Variants in KLHL42 observed in about 807,000 individuals in gnomAD.
The protein encoded by KLHL42 is kelch like family member 42.
A neutral mutation model predicts 32.7 loss-of-function variants in KLHL42; 27 were observed. The ratio of observed to expected loss-of-function variants is 0.83; its 90% CI spans 0.61 to 1.14. The LOEUF is 1.14. Ranked by LOEUF, KLHL42 falls within the 50% of genes most tolerant of loss-of-function variation. KLHL42 has a pLI of 0.00. For synonymous variants in KLHL42, 267 were observed against 248.2 expected (o/e 1.08, Z -0.71); for missense variants, 491 against 560.8 (o/e 0.88, Z 1.26).
chr12:27,793,234 C>A (rs1260223916), intron 2 of KLHL42, among the ~76,000 whole-genome samples: 1 of 151,410 alleles, frequency 6.6e-6, no homozygotes, highest in Non-Finnish European at 1.5e-5. Flanking sequence ...TAGCAAGACA[C>A]CTTCTCTAAA....
chr12:27,782,899 A>C (rs1193159489), intron 1 of KLHL42, among the ~76,000 whole-genome samples: 2 of 152,202 alleles, frequency 1.3e-5, no homozygotes, highest in African/African-American at 4.8e-5. Context: ...CAGTGTATCA[A>C]CAGACTTTTG....
chr12:27,781,872 C>T (rs2062150941), intron 1 of KLHL42, among the ~76,000 whole-genome samples: 1 of 152,126 alleles, frequency 6.6e-6, no homozygotes, highest in Non-Finnish European at 1.5e-5. Context: ...GCAAATCTCT[C>T]CTGCCTCCAA....
At chr12:27,789,624 A>G (rs1276593641) in intron 1 of KLHL42, among the ~76,000 whole-genome samples, 1 of 152,234 alleles carries the variant, frequency 6.6e-6, no homozygotes, top group African/African-American at 2.4e-5. Context: ...TTTGGGGAGC[A>G]AAAACAAATT....
chr12:27,783,706 C>G (rs1202930261), intron 1 of KLHL42, among the ~76,000 whole-genome samples: 1 of 152,046 alleles, frequency 6.6e-6, no homozygotes, highest in Non-Finnish European at 1.5e-5. Context: ...CTCAGCCTCC[C>G]GAGGAGCTGG....
intron 2 of KLHL42, 33 bp from the exon 3 acceptor site, chr12:27,797,682 G>A (rs754362532): frequency 1.5e-6 from 1 of 674,714 alleles, no homozygotes; most frequent in East Asian, 2.5e-5. Context: ...TGTTAGTGGA[G>A]GCGGTGTCAT....
chr12:27,785,568 C>G (rs1488156319), intron 1 of KLHL42, among the ~76,000 whole-genome samples: 1 of 152,138 alleles, frequency 6.6e-6, no homozygotes, highest in Non-Finnish European at 1.5e-5. Flanking sequence ...TTAGTTCCCT[C>G]TGCTTTGACT....
chr12:27,784,244 C>T (rs2062162090), intron 1 of KLHL42, among the ~76,000 whole-genome samples: 1 of 151,236 alleles, frequency 6.6e-6, no homozygotes, highest in African/African-American at 2.4e-5. Context: ...CGCCATTCTC[C>T]TGCCTCAGTT....
rs35330553 is a variant in KLHL42, at chr12:27,801,203, A to ATT, written c.*3049_*3050dup. On this transcript the variant is annotated 3_prime_UTR_variant, in exon 3 of 3. Transcript: ENST00000381271. ...GAACCAAAGAGAATTTAACCCTGCC[A>ATT]TTTTTTTTTTTTTAACACCAAGATC... The ATT allele has an allele frequency of 6.9e-4, 103 of 148,356 alleles. No homozygotes were observed. Among genetic ancestry groups the ATT allele is most frequent in the Non-Finnish European group, 1.1e-3 (75 of 66,726 alleles). 9.2% of individuals were successfully genotyped at this position (148,356 alleles called of 1,614,324 possible).
intron 1 of KLHL42, among the ~76,000 whole-genome samples, chr12:27,790,358 G>C (rs1227881561): frequency 6.6e-6 from 1 of 152,212 alleles, no homozygotes; most frequent in Non-Finnish European, 1.5e-5. Context: ...GGGTCAGATA[G>C]CTGGTTATCA....
intron 1 of KLHL42, among the ~76,000 whole-genome samples, chr12:27,790,663 C>T (rs1343946904): frequency 2.6e-5 from 4 of 152,128 alleles, no homozygotes; most frequent in African/African-American, 9.7e-5. Flanking sequence ...ATCTCTTTTT[C>T]AAGTTATTAT....
chr12:27,794,050 G>A (rs1218221864), intron 2 of KLHL42, among the ~76,000 whole-genome samples: 1 of 152,240 alleles, frequency 6.6e-6, no homozygotes, highest in African/African-American at 2.4e-5. Context: ...AGTATTTGAT[G>A]AACATCTGAT....
At chr12:27,790,576 A>G (rs537906696) in intron 1 of KLHL42, among the ~76,000 whole-genome samples, 1 of 152,248 alleles carries the variant, frequency 6.6e-6, no homozygotes, top group African/African-American at 2.4e-5. Flanking sequence ...TTCAAAAATC[A>G]TAAGACTTAT....
chr12:27,788,563 G>A (rs1227616729), intron 1 of KLHL42, among the ~76,000 whole-genome samples: 1 of 152,094 alleles, frequency 6.6e-6, no homozygotes, highest in East Asian at 1.9e-4. Context: ...AGCTTTTTAA[G>A]CCACGCACGG....
At position 27,781,062 on chromosome 12, in the gene KLHL42, G is replaced by A. The variant is rs781208420; in HGVS notation, c.732G>A (p.Arg244=). 1 of 1,614,082 alleles carries A rather than the reference G, an allele frequency of 6.2e-7. No homozygotes were observed. The highest frequency in any genetic ancestry group is 2.2e-5 in the East Asian group (1 of 44,870). ...NNLPPDLVNV[R]GYGSAILDNY... Reference sequence around the variant, plus strand: ...TTCCTCCCGACCTGGTCAATGTCAGGGGCTATGGGTCTGCCATCCTGGACA... The same window carrying A: ...TTCCTCCCGACCTGGTCAATGTCAGAGGCTATGGGTCTGCCATCCTGGACA... The change falls in exon 1 of 3, where the codon AGG becomes AGA. Residue 244 remains arginine (R), a synonymous_variant. Coordinates refer to ENST00000381271, the MANE Select transcript of KLHL42 (RefSeq NM_020782.2).
rs1310817644 is a variant in KLHL42 at position 27,780,247 on chromosome 12, C to G, written c.-84C>G. On this transcript the variant is annotated 5_prime_UTR_variant, in exon 1 of 3. Transcript: ENST00000381271. This position sits in a 1 kb window ranked among gnomAD's most constrained non-coding sequence, Gnocchi z 8.8. ...CCCGGGCCGCCATCCCTCGGCGCCC[C>G]GCCCGGAACCGGCGCGCGCGTAGGG... is the stretch of plus-strand genomic sequence containing the variant. 2.3e-5 allele frequency: 30 copies of G among 1,299,012 alleles called. No individual in the cohort carries two copies. Among genetic ancestry groups the G allele is most frequent in the Non-Finnish European group, 2.7e-5 (27 of 1,012,660 alleles). The allele number at this position is 1,299,012 out of a possible 1,614,324, so 80.5% of individuals were successfully genotyped here.
In KLHL42 at chr12:27,781,003, A is replaced by C. The variant is rs1301692980; in HGVS notation, c.673A>C (p.Met225Leu). 6.2e-7 allele frequency: 1 copy of C among 1,609,342 alleles called. No individual in the cohort carries two copies. The highest frequency in any genetic ancestry group is 1.7e-5 in the Admixed American group (1 of 59,806). ...EPPSMLRYEE[M>L]TERWFPLANN... The stretch of plus-strand genomic sequence containing the variant: ...CCCGTCCATGCTCAGGTACGAGGAG[A>C]TGACTGAGCGTTGGTTCCCGCTGGC... Residue 225 changes from methionine to leucine, a missense_variant, in exon 1 of 3, where the codon ATG becomes CTG. Met to Leu is a conservative substitution (Grantham distance 15). This residue lies in a region of KLHL42 where 248 missense variants were observed against 329.2 expected (regional missense o/e 0.75). Transcript: ENST00000381271.
chr12:27,781,810 A>G (rs142665563), intron 1 of KLHL42, among the ~76,000 whole-genome samples: 2 of 152,298 alleles, frequency 1.3e-5, no homozygotes, highest in African/African-American at 2.4e-5. Context: ...GAAGTGTTCA[A>G]CTACAGAATT....
chr12:27,795,604 G>C (rs545093249), intron 2 of KLHL42, among the ~76,000 whole-genome samples: 4 of 148,930 alleles, frequency 2.7e-5, no homozygotes, highest in Middle Eastern at 3.4e-3. Context: ...TTGTATTTCA[G>C]ATAAGTCATC....
chr12:27,797,835 T>C lies in KLHL42; in HGVS notation c.1187T>C (p.Val396Ala), dbSNP rs777991483. Residue 396 changes from valine to alanine, a missense_variant, in exon 3 of 3, where the codon GTG becomes GCG. By Grantham distance (64) the Val-to-Ala change is moderately conservative (BLOSUM62 0). This residue lies in a region of KLHL42 where 152 missense variants were observed against 125.9 expected (regional missense o/e 1.21). Coordinates refer to ENST00000381271, the MANE Select transcript of KLHL42 (RefSeq NM_020782.2). ...MVSVEETIYI[V>A]GGCLHELGPN... ...TCTGTGGAAGAGACCATCTACATCGTGGGGGGGTGTCTCCACGAGCTGGGG... is the reference window on the plus strand; with the variant it reads ...TCTGTGGAAGAGACCATCTACATCGCGGGGGGGTGTCTCCACGAGCTGGGG... The C allele has an allele frequency of 9.0e-6, 7 of 778,806 alleles. No homozygotes were observed. In the South Asian group the frequency reaches 9.4e-5, roughly 10 times the overall value. 48.2% of individuals were successfully genotyped at this position (778,806 alleles called of 1,614,324 possible). A position where few individuals can be genotyped will look rare whatever the true frequency, so the allele number is the denominator to read the frequency against.
Sources: allele counts gnomAD v4.1 joint callset (sites outside exome capture counted in the v4.1 genomes callset), GRCh38; gene constraint gnomAD v4.1.1; regional missense constraint gnomAD v4.1.1; non-coding constraint Gnocchi (gnomAD v3.1); transcripts MANE v1.5; gene names NCBI Gene and HGNC (gene_info 2026-07-23, HGNC 2026-07-21).